Variants in EDEM1 observed in about 807,000 individuals in gnomAD.
EDEM1 encodes ER degradation-enhancing alpha-mannosidase-like protein 1.
EDEM1 carries 67 observed loss-of-function variants against 74.4 expected under a neutral mutation model. The ratio of observed to expected loss-of-function variants is 0.90; its 90% CI spans 0.74 to 1.10. The LOEUF is 1.10. Among genes scored for constraint, EDEM1 ranks in the 50% least tolerant of loss-of-function variants. The pLI, the probability that EDEM1 is intolerant of heterozygous loss-of-function variation, is 0.00. For missense variants in EDEM1, 926 were observed against 851.6 expected (o/e 1.09, Z -1.09); for synonymous variants, 382 against 335.9 (o/e 1.14, Z -1.50).
intron 9 of EDEM1, among the ~76,000 whole-genome samples, chr3:5,210,705 CT>C (rs2055157427): frequency 6.7e-6 from 1 of 150,068 alleles, no homozygotes; most frequent in Non-Finnish European, 1.5e-5. Context: ...TTTTTTTTAC[CT>C]GCTGTAAGTT....
chr3:5,211,893 G>A (rs1363010619), intron 10 of EDEM1, among the ~76,000 whole-genome samples: 2 of 152,116 alleles, frequency 1.3e-5, no homozygotes, highest in South Asian at 2.1e-4. Flanking sequence ...GCTCTGCCTC[G>A]TGCATACAGC....
In EDEM1 at chr3:5,187,975, CG is replaced by C; in HGVS notation, c.174del (p.Val60TrpfsTer114). On this transcript the variant is annotated frameshift_variant, in exon 1 of 12. Transcript: ENST00000256497. LOFTEE classifies it high-confidence loss of function. ...CCCGACGGCCCCGCGTCGCCCACCT[CG>C]GGGCCCGTGGGCCGGCCTGGGGGGG... ...RSPDGPASPT[S>X]GPVGRPGGVS... The C allele has an allele frequency of 6.5e-7, 1 of 1,547,150 alleles. No individual in the cohort carries two copies. Among genetic ancestry groups the C allele is most frequent in the Non-Finnish European group, 8.7e-7 (1 of 1,150,322 alleles).
At position 5,219,637 on chromosome 3, in the gene EDEM1, T is replaced by C. The variant is rs2055289122; in HGVS notation, c.*3719T>C. The C allele has an allele frequency of 6.6e-6, 1 of 152,592 alleles. No individual in the cohort carries two copies. The highest frequency in any genetic ancestry group is 1.5e-5 in the Non-Finnish European group (1 of 68,034). The allele number at this position is 152,592 out of a possible 1,614,324, so 9.5% of individuals were successfully genotyped here. ...ATTTTTAAAGGTTATTTTGTTTTAGTTTTAAATAGCAAAACACAAGCTGCA... is the reference window on the plus strand; with the variant it reads ...ATTTTTAAAGGTTATTTTGTTTTAGCTTTAAATAGCAAAACACAAGCTGCA... On this transcript the variant is annotated 3_prime_UTR_variant, in exon 12 of 12. Transcript: ENST00000256497.
chr3:5,213,976 G>A (rs770029683), intron 11 of EDEM1, among the ~76,000 whole-genome samples: 2 of 152,176 alleles, frequency 1.3e-5, no homozygotes, highest in Non-Finnish European at 2.9e-5. Context: ...GACCTGGAGG[G>A]GCAAATGGAA....
intron 8 of EDEM1, among the ~76,000 whole-genome samples, chr3:5,208,877 G>A (rs904775517): frequency 2.0e-5 from 3 of 152,046 alleles, no homozygotes; most frequent in Admixed American, 6.5e-5. Flanking sequence ...TCTTCCTGAC[G>A]GTTGAAGCCA....
intron 8 of EDEM1, among the ~76,000 whole-genome samples, 174 bp downstream of exon 8, chr3:5,208,437 A>G (rs2055126255): frequency 6.6e-6 from 1 of 152,196 alleles, no homozygotes; most frequent in African/African-American, 2.4e-5. Flanking sequence ...GTAACTTCAC[A>G]GGACAGAGAA....
At position 5,204,348 on chromosome 3, in the gene EDEM1, T is replaced by TA. The variant is rs1181530781; in HGVS notation, c.1043-711dup. Among the ~76,000 whole-genome samples, 19 of 151,728 alleles carry TA rather than the reference T, an allele frequency of 1.3e-4. No homozygotes were observed. The East Asian group carries it at 3.5e-3, about 28-fold the overall frequency. On this transcript the variant is annotated intron_variant, in intron 5 of 11. Coordinates refer to ENST00000256497, the MANE Select transcript of EDEM1 (RefSeq NM_014674.3). ...CCACTTTTGTTGTTGTTTTTATTAT[T>TA]AAAAAAAATTATCTTTTCCCTTTTC...
chr3:5,208,014 GC>G (rs1440119935), intron 7 of EDEM1, 78 bp from the exon 8 acceptor site: 1 of 1,480,186 alleles, frequency 6.8e-7, no homozygotes, highest in African/African-American at 1.4e-5. Context: ...GCAGAGGAGA[GC>G]CCAGGCAGGC....
At chr3:5,188,853 G>A (rs1040105393) in intron 1 of EDEM1, among the ~76,000 whole-genome samples, 1 of 152,212 alleles carries the variant, frequency 6.6e-6, no homozygotes, top group Admixed American at 6.5e-5. Flanking sequence ...CGGGGTTACA[G>A]CCTCTCCTTC....
chr3:5,201,026 A>ACCAG (rs2055028709), intron 3 of EDEM1, among the ~76,000 whole-genome samples: 3 of 152,076 alleles, frequency 2.0e-5, no homozygotes, highest in African/African-American at 7.2e-5. Flanking sequence ...CCTCCCAAAT[A>ACCAG]GCTGGGACTA....
rs145916211 is a variant in EDEM1, at chr3:5,213,402, G to A, written c.1764G>A (p.Glu588=). Residue 588 remains glutamate (E), a synonymous_variant, in exon 11 of 12, where the codon GAG becomes GAA. Transcript: ENST00000256497. ...AGGGACACATTGTATCTGTGGATGA[G>A]CATCTTCGGGAATTGCCATGGAAGG... The part of the protein sequence containing the change: ...TTEGHIVSVD[E]HLRELPWKEF... 9 of 1,614,034 alleles carry A rather than the reference G, an allele frequency of 5.6e-6. No homozygotes were observed. Among genetic ancestry groups the A allele is most frequent in the African/African-American group, 2.7e-5 (2 of 74,922 alleles).
At chr3:5,207,956 G>A in intron 7 of EDEM1, 137 bp from the exon 8 acceptor site, 2 of 1,031,828 alleles carry the variant, frequency 1.9e-6, no homozygotes. Flanking sequence ...TCACTTTTGG[G>A]TTGGTTTTGT....
rs774548403 is a variant in EDEM1, at chr3:5,187,832, G to T, written c.27G>T (p.Gly9=). The T allele has an allele frequency of 1.3e-6, 2 of 1,590,086 alleles. No individual in the cohort carries two copies. The highest frequency in any genetic ancestry group is 3.5e-5 in the Admixed American group (2 of 57,530). Reference sequence around the variant, plus strand: ...TGCAATGGCGAGCGCTCGTCCTGGGGCTGGTGCTCCTCCGGCTTGGCCTCC... The same window carrying T: ...TGCAATGGCGAGCGCTCGTCCTGGGTCTGGTGCTCCTCCGGCTTGGCCTCC... MQWRALVL[G]LVLLRLGLHG... is the part of the protein sequence containing the mutation. Residue 9 remains glycine (G), a synonymous_variant, in exon 1 of 12, where the codon GGG becomes GGT. Transcript: ENST00000256497.
rs769823913 is a variant in EDEM1, at chr3:5,187,821, C to T, written c.16C>T (p.Leu6Phe). 1.3e-6 allele frequency: 2 copies of T among 1,582,774 alleles called. No homozygotes were observed. The highest frequency in any genetic ancestry group is 1.1e-5 in the South Asian group (1 of 88,044). The change falls in exon 1 of 12, where the codon CTC (leucine) becomes TTC (phenylalanine). Residue 6 changes from leucine to phenylalanine, a missense_variant. By Grantham distance (22) the Leu-to-Phe change is conservative. Transcript: ENST00000256497. MQWRA[L>F]VLGLVLLRLG... ...CCGCGCGACCATGCAATGGCGAGCG[C>T]TCGTCCTGGGGCTGGTGCTCCTCCG...
intron 8 of EDEM1, among the ~76,000 whole-genome samples, chr3:5,208,884 GC>G: frequency 6.6e-6 from 1 of 151,994 alleles, no homozygotes; most frequent in East Asian, 1.9e-4. Context: ...GACGGTTGAA[GC>G]CAGGTATTTA....
At chr3:5,192,292 G>C (rs1045344820) in intron 1 of EDEM1, among the ~76,000 whole-genome samples, 1 of 152,012 alleles carries the variant, frequency 6.6e-6, no homozygotes, top group African/African-American at 2.4e-5. Flanking sequence ...TTGAACGCAG[G>C]GACTGTTTCT....
At position 5,219,937 on chromosome 3, in the gene EDEM1, A is replaced by C. The variant is rs2055293332; in HGVS notation, c.*4019A>C. The C allele has an allele frequency of 6.6e-6, 1 of 152,500 alleles. No homozygotes were observed. The highest frequency in any genetic ancestry group is 6.5e-5 in the Admixed American group (1 of 15,288). The allele number at this position is 152,500 out of a possible 1,614,324, so 9.4% of individuals were successfully genotyped here. A position where few individuals can be genotyped will look rare whatever the true frequency, so the allele number is the denominator to read the frequency against. On this transcript the variant is annotated 3_prime_UTR_variant, in exon 12 of 12. Transcript: ENST00000256497. ...ATTAGGATTTTTATGAGTAATTTTT[A>C]TTAAAAGATTTCTTTTTTTGAGTTG...
At chr3:5,196,095 ATGT>A (rs1310715217) in intron 2 of EDEM1, among the ~76,000 whole-genome samples, 2 of 152,230 alleles carry the variant, frequency 1.3e-5, no homozygotes, top group South Asian at 2.1e-4. Flanking sequence ...TCTAGCCCAA[ATGT>A]TGTACTTTTA....
At chr3:5,196,777 G>T (rs899474667) in intron 2 of EDEM1, among the ~76,000 whole-genome samples, 14 of 152,000 alleles carry the variant, frequency 9.2e-5, no homozygotes, top group African/African-American at 3.4e-4. Flanking sequence ...AAGTATGTTC[G>T]ACCTTAGAGC....
Sources: gnomAD v4.1 joint callset for allele counts (sites outside exome capture counted in the v4.1 genomes callset) on GRCh38, gnomAD v4.1.1 for gene constraint, MANE v1.5 for transcripts, NCBI Gene and HGNC (gene_info 2026-07-23, HGNC 2026-07-21) for gene names.